GRM5: variants seen among roughly 807,000 people sequenced by gnomAD.
The protein encoded by GRM5 is metabotropic glutamate receptor 5.
GRM5 carries 19 observed loss-of-function variants against 83.1 expected under a neutral mutation model. The ratio of observed to expected loss-of-function variants is 0.23; its 90% CI spans 0.16 to 0.34. The LOEUF is 0.34. GRM5 is among the 10% of genes least tolerant of loss of function. The pLI is 1.00. For synonymous variants in GRM5, 675 were observed against 633.6 expected (o/e 1.07, Z -0.98); for missense variants, 1,160 against 1,588.3 (o/e 0.73, Z 4.58).
In GRM5 at chr11:88,810,233, G is replaced by A. The variant is rs1410995389; in HGVS notation, c.911+39673C>T. On this transcript the variant is annotated intron_variant, in intron 3 of 9. Transcript: ENST00000305447. ...GTGCTATGTATGGCAGTAACACTGA[G>A]ATCCATAAAAGCCAGTAATAATTAG... Among the ~76,000 whole-genome samples, 5 of 152,054 alleles carry A rather than the reference G, an allele frequency of 3.3e-5. No homozygotes were observed. In the East Asian group the frequency reaches 7.7e-4, roughly 23 times the overall value.
chr11:88,528,684 A>G lies in GRM5; in HGVS notation c.2631-3280T>C, dbSNP rs1941936949. Among the ~76,000 whole-genome samples, 5 of 152,238 alleles carry G rather than the reference A, an allele frequency of 3.3e-5. No individual in the cohort carries two copies. In the South Asian group the frequency reaches 1.0e-3, roughly 32 times the overall value. ...CTGTTTCAAGTGCTTTGCAAGTATTAACTCACTTTTCAAATGAAATGTTTA... is the reference window on the plus strand; with the variant it reads ...CTGTTTCAAGTGCTTTGCAAGTATTGACTCACTTTTCAAATGAAATGTTTA... On this transcript the variant is annotated intron_variant, in intron 8 of 9. Transcript: ENST00000305447.
intron 2 of GRM5, chr11:89,009,145 G>C (rs780229804): frequency 2.9e-6 from 2 of 696,126 alleles, no homozygotes; most frequent in African/African-American, 1.8e-5. Flanking sequence ...ATAAGCAAAG[G>C]TTTTATAAGT....
At chr11:88,522,898 C>T (rs1591321131) in intron 9 of GRM5, 1 of 152,260 alleles carries the variant, frequency 6.6e-6, no homozygotes, top group South Asian at 2.1e-4. Flanking sequence ...TAGAGAAACT[C>T]AGACCATTCT....
At chr11:88,552,763 C>T (rs1175566363) in intron 8 of GRM5, among the ~76,000 whole-genome samples, 1 of 152,038 alleles carries the variant, frequency 6.6e-6, no homozygotes, top group African/African-American at 2.4e-5. Flanking sequence ...TCAGAAATGC[C>T]CCAGAGTTTA....
intron 2 of GRM5, among the ~76,000 whole-genome samples, chr11:89,001,633 A>G (rs1940384468): frequency 6.6e-6 from 1 of 152,102 alleles, no homozygotes; most frequent in Non-Finnish European, 1.5e-5. Context: ...TGACTGTATT[A>G]GTGTCACTAC....
intron 4 of GRM5, among the ~76,000 whole-genome samples, chr11:88,630,621 C>A (rs1007616331): frequency 2.0e-5 from 3 of 151,410 alleles, no homozygotes; most frequent in Non-Finnish European, 4.4e-5. Context: ...TCTTGTTGCC[C>A]AGGCTGGAGT....
In GRM5 at chr11:88,508,819, C is replaced by T; in HGVS notation, c.3412G>A (p.Asp1138Asn). The change falls in exon 10 of 10, where the codon GAC (aspartate) becomes AAC (asparagine). Residue 1138 changes from aspartate (D) to asparagine (N), a missense_variant. Coordinates refer to ENST00000305447, the MANE Select transcript of GRM5 (RefSeq NM_001143831.3). The surrounding 1 kb of genome is among the most constrained non-coding windows in gnomAD (Gnocchi z 4.2). ...GCCGCGGGGCTCTCCCGGGCCGCGT[C>T]CCCAGCCGCCTGCGCCCCTGCCGCG... The part of the protein sequence containing the change: ...QPAAGAQAAG[D>N]AARESPAAGP... 2.6e-6 allele frequency: 4 copies of T among 1,530,350 alleles called. No individual in the cohort carries two copies. Among genetic ancestry groups the T allele is most frequent in the Non-Finnish European group, 3.5e-6 (4 of 1,139,020 alleles). The allele number at this position is 1,530,350 out of a possible 1,614,324, so 94.8% of individuals were successfully genotyped here.
At chr11:88,907,884 C>T (rs1945431358) in intron 2 of GRM5, among the ~76,000 whole-genome samples, 1 of 152,042 alleles carries the variant, frequency 6.6e-6, no homozygotes. Flanking sequence ...AGTGGTGATG[C>T]ACATAAATGG....
intron 3 of GRM5, among the ~76,000 whole-genome samples, chr11:88,833,142 A>G (rs1705196444): frequency 6.6e-6 from 1 of 152,320 alleles, no homozygotes; most frequent in Admixed American, 6.5e-5. Context: ...AAGCTTCTGT[A>G]CAGTGAAGAA....
At chr11:88,568,112 T>A (rs191046327) in intron 7 of GRM5, 120 bp from the exon 8 acceptor site, 135 of 622,502 alleles carry the variant, frequency 2.2e-4, no homozygotes, top group African/African-American at 2.2e-3. Context: ...ACCTTTCTAA[T>A]TTCAGAATCT....
At chr11:88,991,784 T>C (rs560866782) in intron 2 of GRM5, among the ~76,000 whole-genome samples, 4 of 152,122 alleles carry the variant, frequency 2.6e-5, no homozygotes, top group Middle Eastern at 3.4e-3. Flanking sequence ...ATTTAATAAA[T>C]GGTGCTGGGA....
At chr11:88,764,988 C>A (rs1407920727) in intron 3 of GRM5, among the ~76,000 whole-genome samples, 1 of 151,036 alleles carries the variant, frequency 6.6e-6, no homozygotes, top group Non-Finnish European at 1.5e-5. Flanking sequence ...GGAGAAGACT[C>A]AATTACTAAA....
At chr11:88,950,850 G>A (rs1393435852) in intron 2 of GRM5, among the ~76,000 whole-genome samples, 1 of 152,190 alleles carries the variant, frequency 6.6e-6, no homozygotes, top group Non-Finnish European at 1.5e-5. Flanking sequence ...ATTCCAGTGT[G>A]ATTCTAATTC....
At chr11:89,009,918 A>C (rs1264104918) in intron 2 of GRM5, among the ~76,000 whole-genome samples, 18 of 136,164 alleles carry the variant, frequency 1.3e-4, no homozygotes, top group African/African-American at 4.8e-4. Context: ...AAAAAAAAAA[A>C]AAAAAAAAAA....
chr11:88,992,838 A>C (rs1940027612), intron 2 of GRM5, among the ~76,000 whole-genome samples: 1 of 126,604 alleles, frequency 7.9e-6, no homozygotes, highest in African/African-American at 3.0e-5. Flanking sequence ...GGACATAGCA[A>C]GGGGAACATC....
chr11:88,614,084 A>C (rs1165228722), intron 4 of GRM5, among the ~76,000 whole-genome samples: 1 of 152,102 alleles, frequency 6.6e-6, no homozygotes, highest in Admixed American at 6.6e-5. Context: ...CCTCCCAACC[A>C]CTATCAGAGT....
At chr11:88,723,377 C>T (rs72962566) in intron 3 of GRM5, among the ~76,000 whole-genome samples, 8,071 of 152,088 alleles carry the variant, frequency 0.053, 200 homozygotes, top group Middle Eastern at 0.078. Context: ...AAGTTTTCAG[C>T]TCAACTGGCA....
At chr11:88,718,946 T>G (rs1179960141) in intron 3 of GRM5, among the ~76,000 whole-genome samples, 1 of 151,944 alleles carries the variant, frequency 6.6e-6, no homozygotes, top group Non-Finnish European at 1.5e-5. Context: ...CTTGTTATTC[T>G]CAGTGAAGCA....
At chr11:88,648,544 C>A (rs1229227453) in intron 4 of GRM5, among the ~76,000 whole-genome samples, 1 of 129,336 alleles carries the variant, frequency 7.7e-6, no homozygotes, top group Non-Finnish European at 1.7e-5. Context: ...GGGAGATATA[C>A]CTAATGCTAG....
Sources: gnomAD v4.1 joint callset for allele counts (sites outside exome capture counted in the v4.1 genomes callset) on GRCh38, gnomAD v4.1.1 for gene constraint, Gnocchi (gnomAD v3.1) non-coding constraint, MANE v1.5 for transcripts, NCBI Gene and HGNC (gene_info 2026-07-23, HGNC 2026-07-21) for gene names.